Variants in ST6GALNAC3 observed in about 807,000 individuals in gnomAD.
ST6GALNAC3 encodes alpha-N-acetylgalactosaminide alpha-2,6-sialyltransferase 3.
Under a neutral mutation model 32.7 loss-of-function variants are expected in ST6GALNAC3, and 25 were observed. That is an observed-to-expected ratio of 0.76 (90% confidence interval 0.56 to 1.07). The LOEUF (loss-of-function observed/expected upper bound fraction) is 1.07. Among genes scored for constraint, ST6GALNAC3 ranks in the 50% least tolerant of loss-of-function variants. The pLI, the probability that ST6GALNAC3 is intolerant of heterozygous loss-of-function variation, is 0.00. For synonymous variants in ST6GALNAC3, 129 were observed against 133.1 expected (o/e 0.97, Z 0.21); for missense variants, 355 against 382.4 (o/e 0.93, Z 0.60).
At chr1:76,532,193 T>C (rs1663302209) in intron 3 of ST6GALNAC3, among the ~76,000 whole-genome samples, 2 of 152,098 alleles carry the variant, frequency 1.3e-5, no homozygotes, top group Non-Finnish European at 2.9e-5. Flanking sequence ...TATAGCTACG[T>C]AGGAAACTTG....
chr1:76,394,702 A>C (rs1397199319), intron 2 of ST6GALNAC3, among the ~76,000 whole-genome samples: 1 of 152,132 alleles, frequency 6.6e-6, no homozygotes, highest in Non-Finnish European at 1.5e-5. Flanking sequence ...TATGATACTA[A>C]ATGGTTATTT....
rs145920287 is a variant in ST6GALNAC3 at position 76,252,456 on chromosome 1, G to A, written c.19-61349G>A. 1.6e-4 allele frequency among the ~76,000 whole-genome samples: 24 copies of A among 152,126 alleles called. No individual in the cohort carries two copies. The East Asian group carries it at 2.3e-3, about 15-fold the overall frequency. On this transcript the variant is annotated intron_variant, in intron 1 of 4. Coordinates refer to ENST00000328299, the MANE Select transcript of ST6GALNAC3 (RefSeq NM_152996.4). ...CAAGTGGGAGCTATTTCATGTTTAC[G>A]TTTAAAAAAGTGTGTATCTGTTATC...
chr1:76,517,330 T>C (rs1484901232), intron 3 of ST6GALNAC3, among the ~76,000 whole-genome samples: 1 of 151,940 alleles, frequency 6.6e-6, no homozygotes, highest in Non-Finnish European at 1.5e-5. Flanking sequence ...TGTGTTTTAA[T>C]GTCTTATTGT....
At chr1:76,106,000 T>C (rs17609727) in intron 1 of ST6GALNAC3, among the ~76,000 whole-genome samples, 11,298 of 152,260 alleles carry the variant, frequency 0.074, 581 homozygotes, top group Middle Eastern at 0.18. Flanking sequence ...TGTGCAGGTA[T>C]TTGCTCTGCT....
At chr1:76,257,629 C>T (rs1342561981) in intron 1 of ST6GALNAC3, among the ~76,000 whole-genome samples, 1 of 152,088 alleles carries the variant, frequency 6.6e-6, no homozygotes, top group Non-Finnish European at 1.5e-5. Context: ...TAAATCTCTT[C>T]CCCATTTACT....
chr1:76,208,621 G>T (rs1373301429), intron 1 of ST6GALNAC3, among the ~76,000 whole-genome samples: 1 of 152,162 alleles, frequency 6.6e-6, no homozygotes, highest in East Asian at 1.9e-4. Context: ...ACCTCAAAAG[G>T]TTGGAAGTGG....
At chr1:76,382,246 G>A (rs1651766268) in intron 2 of ST6GALNAC3, among the ~76,000 whole-genome samples, 1 of 152,028 alleles carries the variant, frequency 6.6e-6, no homozygotes, top group Non-Finnish European at 1.5e-5. Context: ...GGCATGTCAG[G>A]AAATATAACC....
At chr1:76,114,470 C>T (rs1001710034) in intron 1 of ST6GALNAC3, among the ~76,000 whole-genome samples, 2 of 152,196 alleles carry the variant, frequency 1.3e-5, no homozygotes, top group African/African-American at 4.8e-5. Flanking sequence ...TCTAGTTTTA[C>T]AGTTTCTACA....
chr1:76,080,839 C>T (rs1005763175), intron 1 of ST6GALNAC3, among the ~76,000 whole-genome samples: 1 of 152,172 alleles, frequency 6.6e-6, no homozygotes, highest in Admixed American at 6.5e-5. Flanking sequence ...AATAAATCTG[C>T]TATGACATTT....
In ST6GALNAC3 at chr1:76,616,743, TA is replaced by T. The variant is rs554928091; in HGVS notation, c.624-10699del. 3.3e-4 allele frequency among the ~76,000 whole-genome samples: 49 copies of T among 150,554 alleles called. No homozygotes were observed. In the East Asian group the frequency reaches 4.1e-3, roughly 13 times the overall value. On this transcript the variant is annotated intron_variant, in intron 3 of 4. Transcript: ENST00000328299. ...TAGCCTCCTTCTAGTGAGCCTGATTTAAAAAAAAAATTAATAGATGGGGTTG... is the reference window on the plus strand; with the variant it reads ...TAGCCTCCTTCTAGTGAGCCTGATTTAAAAAAAAATTAATAGATGGGGTTG...
intron 3 of ST6GALNAC3, among the ~76,000 whole-genome samples, chr1:76,597,942 T>C (rs1373107161): frequency 6.6e-6 from 1 of 152,172 alleles, no homozygotes; most frequent in Non-Finnish European, 1.5e-5. Context: ...TGTCTTCGTT[T>C]ATTTGGGGCA....
chr1:76,557,314 C>T (rs747023431), intron 3 of ST6GALNAC3, among the ~76,000 whole-genome samples: 9 of 152,010 alleles, frequency 5.9e-5, no homozygotes, highest in Non-Finnish European at 1.2e-4. Context: ...AGTGTGAATC[C>T]TCCAACTTTT....
Position 76,393,640 on chromosome 1 carries a change from C to T in ST6GALNAC3, c.214-18368C>T, listed in dbSNP as rs187139073. 5.6e-3 allele frequency among the ~76,000 whole-genome samples: 847 copies of T among 152,162 alleles called. 6 individuals carry two copies. Among genetic ancestry groups the T allele is most frequent in the Non-Finnish European group, 9.7e-3 (662 of 67,990 alleles). On this transcript the variant is annotated intron_variant, in intron 2 of 4. Transcript: ENST00000328299. The stretch of plus-strand genomic sequence containing the variant: ...TAAGAAAAATAGCAAAGAGCTAAAA[C>T]GAAAACAGAATGATTCTATAAGTCC...
intron 3 of ST6GALNAC3, among the ~76,000 whole-genome samples, chr1:76,597,955 A>G (rs933920889): frequency 2.0e-5 from 3 of 152,168 alleles, no homozygotes; most frequent in Non-Finnish European, 4.4e-5. Context: ...TTGGGGCACT[A>G]AAACAAAAAT....
intron 2 of ST6GALNAC3, among the ~76,000 whole-genome samples, chr1:76,397,934 T>C (rs548213438): frequency 6.6e-6 from 1 of 150,994 alleles, no homozygotes; most frequent in East Asian, 1.9e-4. Flanking sequence ...TACTGTGTCA[T>C]CTGTAAATAA....
At chr1:76,351,186 A>G (rs1182461586) in intron 2 of ST6GALNAC3, among the ~76,000 whole-genome samples, 2 of 152,190 alleles carry the variant, frequency 1.3e-5, no homozygotes, top group African/African-American at 4.8e-5. Flanking sequence ...CATTAGGCTT[A>G]TGCTGGTTTT....
intron 2 of ST6GALNAC3, among the ~76,000 whole-genome samples, chr1:76,372,493 A>G (rs968530876): frequency 1.3e-5 from 2 of 151,936 alleles, no homozygotes; most frequent in Non-Finnish European, 2.9e-5. Flanking sequence ...CCCATTCTCA[A>G]TTCTTTTTCC....
chr1:76,194,486 A>AAGT (rs1279559507), intron 1 of ST6GALNAC3, among the ~76,000 whole-genome samples: 1 of 149,390 alleles, frequency 6.7e-6, no homozygotes, highest in African/African-American at 2.5e-5. Flanking sequence ...ATTTATTTCA[A>AAGT]AGTAATAATA....
At chr1:76,115,686 G>A (rs1327322907) in intron 1 of ST6GALNAC3, among the ~76,000 whole-genome samples, 1 of 152,028 alleles carries the variant, frequency 6.6e-6, no homozygotes, top group Admixed American at 6.5e-5. Context: ...TGTTTTCGGG[G>A]TTACCTTGGT....
Sources: gnomAD v4.1 joint callset for allele counts (sites outside exome capture counted in the v4.1 genomes callset) on GRCh38, gnomAD v4.1.1 for gene constraint, MANE v1.5 for transcripts, NCBI Gene and HGNC (gene_info 2026-07-23, HGNC 2026-07-21) for gene names.